The following ZEB2 variants were observed in gnomAD, a reference collection of about 807,000 sequenced individuals.
The protein encoded by ZEB2 is zinc finger E-box-binding homeobox 2.
Under a neutral mutation model 99.9 loss-of-function variants are expected in ZEB2, and 6 were observed. The ratio of observed to expected loss-of-function variants is 0.06; its 90% CI spans 0.03 to 0.12. The LOEUF (loss-of-function observed/expected upper bound fraction) is 0.12. Ranked by LOEUF, ZEB2 falls within the 10% of genes least tolerant of loss-of-function variation. The probability of loss-of-function intolerance (pLI) is 1.00; values close to 1 mark genes in which losing one functional copy is unlikely to be tolerated. For synonymous variants in ZEB2, 517 were observed against 542.5 expected, an observed-to-expected ratio of 0.95 and a Z score of 0.65; for missense variants, 969 against 1,502.8, an observed-to-expected ratio of 0.64 and a Z score of 5.87.
At chr2:144,432,139 G>C (rs1157558216) in intron 2 of ZEB2, among the ~76,000 whole-genome samples, 1 of 152,002 alleles carries the variant, frequency 6.6e-6, no homozygotes, top group Non-Finnish European at 1.5e-5. Flanking sequence ...AATGATTTAT[G>C]AACAGCCCTT....
chr2:144,471,974 G>C (rs1019038928), intron 2 of ZEB2, among the ~76,000 whole-genome samples: 4 of 151,940 alleles, frequency 2.6e-5, no homozygotes, highest in African/African-American at 9.7e-5. Context: ...CTCCTGATGT[G>C]AGATCTAAAT....
chr2:144,472,539 A>G (rs908236442), intron 2 of ZEB2, among the ~76,000 whole-genome samples: 5 of 152,262 alleles, frequency 3.3e-5, no homozygotes, highest in Non-Finnish European at 5.9e-5. Context: ...CTCTAAATAA[A>G]TGATCTTATT....
chr2:144,434,474 C>T (rs1278201686), intron 2 of ZEB2, among the ~76,000 whole-genome samples: 2 of 152,062 alleles, frequency 1.3e-5, no homozygotes, highest in Non-Finnish European at 2.9e-5. Flanking sequence ...TGTCAAAGGC[C>T]GTACAGCTAG....
In ZEB2 at chr2:144,387,045, GTATATATATA is replaced by G. The variant is rs143648355; in HGVS notation, c.*2396_*2405del. On this transcript the variant is annotated 3_prime_UTR_variant, in exon 10 of 10. Transcript: ENST00000627532. Reference sequence around the variant, plus strand: ...ATCCTTTCTGTGTATGTGTGTGTGTGTATATATATATATATATACACACACACACATACAC... The same window carrying G: ...ATCCTTTCTGTGTATGTGTGTGTGTGTATATATACACACACACACATACAC... 7.2e-6 allele frequency: 1 copy of G among 139,478 alleles called. No homozygotes were observed. The highest frequency in any genetic ancestry group is 2.6e-5 in the African/African-American group (1 of 37,880). 8.6% of individuals were successfully genotyped at this position (139,478 alleles called of 1,614,324 possible).
At chr2:144,448,316 A>T (rs1276301535) in intron 2 of ZEB2, among the ~76,000 whole-genome samples, 2 of 152,222 alleles carry the variant, frequency 1.3e-5, no homozygotes, top group Non-Finnish European at 2.9e-5. Flanking sequence ...GGGGCATCCC[A>T]GACACTAAAC....
intron 2 of ZEB2, among the ~76,000 whole-genome samples, chr2:144,490,027 T>C (rs1704653978): frequency 6.6e-6 from 1 of 152,196 alleles, no homozygotes; most frequent in South Asian, 2.1e-4. Context: ...TGACTCTCTT[T>C]ATTATTTGGG....
rs1211779786 is a variant in ZEB2, at chr2:144,386,736, G to C, written c.*2715C>G. On this transcript the variant is annotated 3_prime_UTR_variant, in exon 10 of 10. Transcript: ENST00000627532. ...CTACCCGGACAAAATTTAATGGCTT[G>C]ATATTTTCAGGTTGAATTAATAAAG... The C allele has an allele frequency of 1.3e-5, 2 of 152,130 alleles. No homozygotes were observed. Among genetic ancestry groups the C allele is most frequent in the Admixed American group, 1.3e-4 (2 of 15,268 alleles). The allele number at this position is 152,130 out of a possible 1,614,324, so 9.4% of individuals were successfully genotyped here. A position where few individuals can be genotyped will look rare whatever the true frequency, so the allele number is the denominator to read the frequency against.
intron 2 of ZEB2, among the ~76,000 whole-genome samples, chr2:144,458,838 CAG>C (rs1704155327): frequency 6.6e-6 from 1 of 152,152 alleles, no homozygotes; most frequent in Non-Finnish European, 1.5e-5. Flanking sequence ...ATGCTTTCAG[CAG>C]TTTCCCTTTT....
At chr2:144,500,216 T>C (rs564805944) in intron 2 of ZEB2, among the ~76,000 whole-genome samples, 1 of 152,326 alleles carries the variant, frequency 6.6e-6, no homozygotes, top group South Asian at 2.1e-4. Context: ...CCACCTGTTT[T>C]GGGCAAGACA....
chr2:144,417,813 G>A lies in ZEB2; in HGVS notation c.403+6983C>T, dbSNP rs1290091080. Among the ~76,000 whole-genome samples the A allele has an allele frequency of 2.6e-5, 4 of 152,146 alleles. No homozygotes were observed. The East Asian group carries it at 7.7e-4, about 29-fold the overall frequency. ...AAAATGTAGTGCATATTTCAGAATAGCTAGAACGGGGGTTCTCGAATGTCC... is the reference window on the plus strand; with the variant it reads ...AAAATGTAGTGCATATTTCAGAATAACTAGAACGGGGGTTCTCGAATGTCC... On this transcript the variant is annotated intron_variant, in intron 4 of 9. Transcript: ENST00000627532.
intron 3 of ZEB2, among the ~76,000 whole-genome samples, chr2:144,425,470 TC>T (rs2149889440): frequency 6.6e-6 from 1 of 152,312 alleles, no homozygotes; most frequent in East Asian, 1.9e-4. Flanking sequence ...CTTATTCCTA[TC>T]CCAACTACTC....
chr2:144,420,873 T>G (rs1170499950), intron 4 of ZEB2, among the ~76,000 whole-genome samples: 1 of 152,168 alleles, frequency 6.6e-6, no homozygotes, highest in Admixed American at 6.5e-5. Context: ...TGGTATACAA[T>G]GGATGGCACT....
intron 2 of ZEB2, among the ~76,000 whole-genome samples, chr2:144,453,096 A>C (rs1704076694): frequency 6.6e-6 from 1 of 152,220 alleles, no homozygotes; most frequent in Non-Finnish European, 1.5e-5. Context: ...CTAACGGCGC[A>C]GTCATCAAAA....
intron 2 of ZEB2, among the ~76,000 whole-genome samples, chr2:144,484,052 C>A (rs1704557168): frequency 6.6e-6 from 1 of 151,992 alleles, no homozygotes; most frequent in Admixed American, 6.6e-5. Flanking sequence ...TCTACACAGG[C>A]CAAGCAGGTG....
At chr2:144,415,989 T>C (rs746350557) in intron 4 of ZEB2, among the ~76,000 whole-genome samples, 14 of 152,328 alleles carry the variant, frequency 9.2e-5, no homozygotes, top group Admixed American at 3.3e-4. Flanking sequence ...TAATAGATAG[T>C]CCATGCAGAA....
chr2:144,455,729 T>C (rs763072632), intron 2 of ZEB2, among the ~76,000 whole-genome samples: 22 of 152,116 alleles, frequency 1.4e-4, no homozygotes, highest in Non-Finnish European at 2.9e-4. Context: ...GGAATTTTGG[T>C]CAAAATGTTT....
intron 2 of ZEB2, among the ~76,000 whole-genome samples, chr2:144,443,728 A>C (rs898233744): frequency 6.6e-6 from 1 of 152,210 alleles, no homozygotes; most frequent in Non-Finnish European, 1.5e-5. Context: ...TTGTTCTCAC[A>C]GATTCCTTTC....
chr2:144,423,148 G>A (rs1703642248), intron 4 of ZEB2, among the ~76,000 whole-genome samples: 2 of 152,154 alleles, frequency 1.3e-5, no homozygotes, highest in Admixed American at 1.3e-4. Flanking sequence ...TAAACCTTCT[G>A]AATAGAAGCA....
At chr2:144,503,397 C>T (rs969599025) in intron 2 of ZEB2, among the ~76,000 whole-genome samples, 2 of 152,324 alleles carry the variant, frequency 1.3e-5, no homozygotes, top group East Asian at 3.9e-4. Flanking sequence ...CACAGCTTAA[C>T]AAAACTGTGC....
Sources: gnomAD v4.1 joint callset for allele counts (sites outside exome capture counted in the v4.1 genomes callset) on GRCh38, gnomAD v4.1.1 for gene constraint, MANE v1.5 for transcripts, NCBI Gene and HGNC (gene_info 2026-07-23, HGNC 2026-07-21) for gene names.